The following PPM1E variants were observed in gnomAD, a reference collection of about 807,000 sequenced individuals.
PPM1E encodes protein phosphatase, Mg2+/Mn2+ dependent 1E, also known as protein phosphatase 1E.
Under a neutral mutation model 65.9 loss-of-function variants are expected in PPM1E, and 20 were observed. The ratio of observed to expected loss-of-function variants is 0.30; its 90% CI spans 0.21 to 0.44. The LOEUF is 0.44. Among genes scored for constraint, PPM1E ranks in the 20% least tolerant of loss-of-function variants. The pLI is 1.00. For missense variants in PPM1E, 713 were observed against 953.1 expected (o/e 0.75, Z 3.32); for synonymous variants, 352 against 374.9 (o/e 0.94, Z 0.70).
intron 2 of PPM1E, among the ~76,000 whole-genome samples, chr17:58,964,478 A>G (rs2030147512): frequency 6.6e-6 from 1 of 152,188 alleles, no homozygotes; most frequent in African/African-American, 2.4e-5. Flanking sequence ...CAGCTCGCCA[A>G]TTCTACCCAA....
intron 1 of PPM1E, among the ~76,000 whole-genome samples, chr17:58,923,529 T>C (rs1343281385): frequency 2.0e-5 from 3 of 151,578 alleles, no homozygotes; most frequent in African/African-American, 7.3e-5. Context: ...ACAGATCACC[T>C]AAGGTCAGGA....
chr17:58,884,897 CTCTG>C (rs145137652), intron 1 of PPM1E, among the ~76,000 whole-genome samples: 2,922 of 152,172 alleles, frequency 0.019, 88 homozygotes, highest in African/African-American at 0.066. Context: ...CCTCTCTTTT[CTCTG>C]TCTTATTTTC....
chr17:58,855,883 C>T (rs963289785), intron 1 of PPM1E, among the ~76,000 whole-genome samples: 11 of 151,926 alleles, frequency 7.2e-5, no homozygotes, highest in Admixed American at 1.3e-4. Context: ...CCCTGTGGTG[C>T]GGTATAAATT....
At position 58,897,268 on chromosome 17, in the gene PPM1E, G is replaced by A. The variant is rs531863913; in HGVS notation, c.465-58381G>A. Among the ~76,000 whole-genome samples the A allele has an allele frequency of 9.2e-5, 14 of 152,098 alleles. No homozygotes were observed. The South Asian group carries it at 2.5e-3, about 27-fold the overall frequency. On this transcript the variant is annotated intron_variant, in intron 1 of 6. Coordinates refer to ENST00000308249, the MANE Select transcript of PPM1E (RefSeq NM_014906.5). ...TATTTACTAAAAATACAAAAAATTA[G>A]CCGGGCATGGTGGTGGGCGCCTGTA...
intron 1 of PPM1E, among the ~76,000 whole-genome samples, chr17:58,904,073 A>C (rs1000188932): frequency 6.6e-6 from 1 of 152,182 alleles, no homozygotes; most frequent in Non-Finnish European, 1.5e-5. Context: ...ATAGAGAAGA[A>C]AGTTGAATAC....
chr17:58,935,006 A>G (rs1361585272), intron 1 of PPM1E, among the ~76,000 whole-genome samples: 2 of 151,236 alleles, frequency 1.3e-5, no homozygotes, highest in Non-Finnish European at 2.9e-5. Context: ...TAATCCCAGC[A>G]CTTTGGGAGG....
chr17:58,760,781 G>A (rs933685611), intron 1 of PPM1E, among the ~76,000 whole-genome samples: 7 of 152,074 alleles, frequency 4.6e-5, no homozygotes, highest in African/African-American at 1.7e-4. Flanking sequence ...GCAAGTTTGG[G>A]GGTTTCCCCA....
chr17:58,894,430 G>T (rs375057782), intron 1 of PPM1E, among the ~76,000 whole-genome samples: 1 of 152,120 alleles, frequency 6.6e-6, no homozygotes, highest in Non-Finnish European at 1.5e-5. Flanking sequence ...GCAAGTGAAT[G>T]ATAGTAAAAC....
intron 1 of PPM1E, among the ~76,000 whole-genome samples, chr17:58,791,051 G>A (rs1201391554): frequency 2.6e-5 from 4 of 151,812 alleles, no homozygotes; most frequent in Admixed American, 6.6e-5. Flanking sequence ...CACCCTGCCC[G>A]GCTAATTTTT....
intron 1 of PPM1E, among the ~76,000 whole-genome samples, chr17:58,863,013 TA>T (rs2050959310): frequency 6.6e-6 from 1 of 152,246 alleles, no homozygotes; most frequent in Non-Finnish European, 1.5e-5. Context: ...CCCTTTTTAC[TA>T]TATTATCTGC....
At chr17:58,914,066 T>C (rs2051658328) in intron 1 of PPM1E, among the ~76,000 whole-genome samples, 1 of 152,178 alleles carries the variant, frequency 6.6e-6, no homozygotes, top group Admixed American at 6.5e-5. Context: ...AGCTTGGAGG[T>C]TAAAAGCAAG....
chr17:58,979,788 G>A (rs943069704), intron 6 of PPM1E, among the ~76,000 whole-genome samples, 186 bp from the exon 7 acceptor site: 2 of 152,184 alleles, frequency 1.3e-5, no homozygotes, highest in African/African-American at 4.8e-5. Flanking sequence ...TGGGAGTAAG[G>A]AGTAAGCAGA....
At chr17:58,786,571 G>A (rs2050103284) in intron 1 of PPM1E, among the ~76,000 whole-genome samples, 1 of 152,182 alleles carries the variant, frequency 6.6e-6, no homozygotes, top group Non-Finnish European at 1.5e-5. Context: ...GTGGGATGAT[G>A]CAAGATTTCA....
At chr17:58,836,153 C>T (rs1392472735) in intron 1 of PPM1E, among the ~76,000 whole-genome samples, 3 of 152,020 alleles carry the variant, frequency 2.0e-5, no homozygotes, top group African/African-American at 7.2e-5. Flanking sequence ...GCAAAACCAT[C>T]CTGATATACT....
At chr17:58,926,195 G>T (rs1195535636) in intron 1 of PPM1E, among the ~76,000 whole-genome samples, 4 of 152,048 alleles carry the variant, frequency 2.6e-5, no homozygotes, top group African/African-American at 9.7e-5. Flanking sequence ...ACAAAAATTA[G>T]CTGGGCGTGG....
chr17:58,924,595 A>C (rs1459413300), intron 1 of PPM1E, among the ~76,000 whole-genome samples: 1 of 152,124 alleles, frequency 6.6e-6, no homozygotes, highest in East Asian at 1.9e-4. Flanking sequence ...GTTTCGGGAT[A>C]CAAGTGCAGA....
At chr17:58,911,561 A>T (rs2051627510) in intron 1 of PPM1E, among the ~76,000 whole-genome samples, 1 of 152,202 alleles carries the variant, frequency 6.6e-6, no homozygotes, top group East Asian at 1.9e-4. Context: ...TCTACTGGTT[A>T]ATAAGAATAA....
chr17:58,780,552 C>A (rs1280516566), intron 1 of PPM1E, among the ~76,000 whole-genome samples: 5 of 152,136 alleles, frequency 3.3e-5, no homozygotes, highest in Non-Finnish European at 5.9e-5. Flanking sequence ...TATATTTCTT[C>A]TGTGATTTGC....
At chr17:58,967,519 T>TAGAGAG (rs757900792) in intron 3 of PPM1E, among the ~76,000 whole-genome samples, 2 of 145,114 alleles carry the variant, frequency 1.4e-5, no homozygotes, top group African/African-American at 5.3e-5. Context: ...TATATATATA[T>TAGAGAG]AGAGAGAGAG....
Sources: gnomAD v4.1 joint callset for allele counts (sites outside exome capture counted in the v4.1 genomes callset) on GRCh38, gnomAD v4.1.1 for gene constraint, MANE v1.5 for transcripts, NCBI Gene and HGNC (gene_info 2026-07-23, HGNC 2026-07-21) for gene names.